TACC1: variants seen among roughly 807,000 people sequenced by gnomAD.
The protein encoded by TACC1 is transforming acidic coiled-coil containing protein 1, also known as transforming acidic coiled-coil-containing protein 1.
TACC1 carries 48 observed loss-of-function variants against 84.4 expected under a neutral mutation model. The ratio of observed to expected loss-of-function variants is 0.57; its 90% CI spans 0.45 to 0.72. The LOEUF is 0.72. Among genes scored for constraint, TACC1 ranks in the 30% least tolerant of loss-of-function variants. TACC1 has a pLI of 0.00. For synonymous variants in TACC1, 372 were observed against 376.3 expected (o/e 0.99, Z 0.13); for missense variants, 920 against 973.0 (o/e 0.95, Z 0.72).
At chr8:38,765,144 A>G (rs764137407) in intron 3 of TACC1, among the ~76,000 whole-genome samples, 24 of 149,378 alleles carry the variant, frequency 1.6e-4, no homozygotes, top group Middle Eastern at 3.5e-3. Flanking sequence ...TTTCTGTTTA[A>G]CTCTTGATGG....
At chr8:38,820,948 G>A (rs905234329) in intron 3 of TACC1, among the ~76,000 whole-genome samples, 10 of 152,070 alleles carry the variant, frequency 6.6e-5, no homozygotes, top group Non-Finnish European at 1.5e-4. Flanking sequence ...GCTCACACCT[G>A]TAATCCCAGC....
At chr8:38,741,107 C>A (rs1421868472) in intron 1 of TACC1, among the ~76,000 whole-genome samples, 1 of 151,812 alleles carries the variant, frequency 6.6e-6, no homozygotes, top group Non-Finnish European at 1.5e-5. Context: ...GCTCTGTAGA[C>A]CTTGATTGTT....
intron 6 of TACC1, among the ~76,000 whole-genome samples, chr8:38,831,823 TGAGACAG>T (rs1312288745): frequency 2.0e-5 from 3 of 149,108 alleles, no homozygotes; most frequent in South Asian, 2.2e-4. Flanking sequence ...TTTTTTTTTT[TGAGACAG>T]AGTTTCACTC....
rs1832647133 is a variant in TACC1 at position 38,848,091 on chromosome 8, C to T, written c.*68C>T. Reference sequence around the variant, plus strand: ...TCTCTTGTGACCACAATTATCTTGCCTTATCCAGGAATAATTGCCCCTTTG... The same window carrying T: ...TCTCTTGTGACCACAATTATCTTGCTTTATCCAGGAATAATTGCCCCTTTG... On this transcript the variant is annotated 3_prime_UTR_variant, in exon 13 of 13. Transcript: ENST00000317827. The T allele has an allele frequency of 2.1e-6, 3 of 1,450,800 alleles. No homozygotes were observed. The highest frequency in any genetic ancestry group is 1.4e-5 in the African/African-American group (1 of 70,342). 89.9% of individuals were successfully genotyped at this position (1,450,800 alleles called of 1,614,324 possible).
chr8:38,843,679 T>C (rs895128305), intron 11 of TACC1: 1 of 198,466 alleles, frequency 5.0e-6, no homozygotes, highest in African/African-American at 2.3e-5. Context: ...TATATGATTA[T>C]AGCATACTTC....
chr8:38,825,303 T>C lies in TACC1; in HGVS notation c.1392-5T>C. 6.2e-7 allele frequency: 1 copy of C among 1,614,164 alleles called. No homozygotes were observed. The highest frequency in any genetic ancestry group is 8.5e-7 in the Non-Finnish European group (1 of 1,180,004). Reference sequence around the variant, plus strand: ...CTGGCTTGTTTGTGTTTCTTCTCTTTCCAGGAGTGGCTGTAAGGTGAAGAA... The same window carrying C: ...CTGGCTTGTTTGTGTTTCTTCTCTTCCCAGGAGTGGCTGTAAGGTGAAGAA... On this transcript the variant is annotated splice_region_variant and splice_polypyrimidine_tract_variant and intron_variant, in intron 3 of 12. Coordinates refer to ENST00000317827, the MANE Select transcript of TACC1 (RefSeq NM_006283.3).
At chr8:38,825,461 C>A (rs954356403) in intron 4 of TACC1, 93 bp downstream of exon 4, 5 of 1,306,632 alleles carry the variant, frequency 3.8e-6, no homozygotes, top group Non-Finnish European at 5.5e-6. Context: ...AAAGGACTTT[C>A]CAATGGGTAC....
At chr8:38,740,573 A>T (rs1806864973) in intron 1 of TACC1, among the ~76,000 whole-genome samples, 1 of 152,254 alleles carries the variant, frequency 6.6e-6, no homozygotes, top group Admixed American at 6.5e-5. Context: ...AAAGTTTGTG[A>T]TGATGGGCAA....
intron 2 of TACC1, among the ~76,000 whole-genome samples, chr8:38,798,138 T>C (rs1820429351): frequency 6.6e-6 from 1 of 151,774 alleles, no homozygotes; most frequent in Non-Finnish European, 1.5e-5. Context: ...CTTTTTTTTT[T>C]TTAGAGACAG....
chr8:38,760,685 G>T (rs1478516973), intron 3 of TACC1, among the ~76,000 whole-genome samples: 1 of 151,988 alleles, frequency 6.6e-6, no homozygotes, highest in Non-Finnish European at 1.5e-5. Flanking sequence ...CACCATGCCC[G>T]GCTAGTTTTT....
At chr8:38,772,071 C>T (rs533277600) in intron 3 of TACC1, among the ~76,000 whole-genome samples, 1 of 152,152 alleles carries the variant, frequency 6.6e-6, no homozygotes, top group Non-Finnish European at 1.5e-5. Context: ...GGAAGGCAGG[C>T]AAGCAGGCAA....
chr8:38,846,914 C>A, intron 12 of TACC1, 95 bp downstream of exon 12: 2 of 1,452,004 alleles, frequency 1.4e-6, no homozygotes, highest in East Asian at 2.4e-5. Context: ...TGAAAGAGGC[C>A]TTGGCTTTCT....
chr8:38,791,384 A>T (rs1818619911), intron 2 of TACC1, among the ~76,000 whole-genome samples: 1 of 152,222 alleles, frequency 6.6e-6, no homozygotes, highest in Non-Finnish European at 1.5e-5. Context: ...CCTGCATATT[A>T]TGAAGGCTTT....
upstream of TACC1, chr8:38,787,231 G>A (rs894923441): frequency 9.9e-7 from 1 of 1,006,218 alleles, no homozygotes; most frequent in Non-Finnish European, 1.2e-6. Flanking sequence ...CCGGCCGGGA[G>A]GCGGGAGTCC....
chr8:38,755,159 C>CAAA (rs35992046), intron 3 of TACC1, among the ~76,000 whole-genome samples: 2,177 of 72,246 alleles, frequency 0.03, 132 homozygotes, highest in African/African-American at 0.11. Context: ...GACTCCATCT[C>CAAA]AAAAAAAAAA....
chr8:38,806,706 T>C (rs1587851590), intron 2 of TACC1, among the ~76,000 whole-genome samples: 1 of 152,190 alleles, frequency 6.6e-6, no homozygotes, highest in Non-Finnish European at 1.5e-5. Context: ...ACTGTGTTCA[T>C]GTATCAGTGG....
At chr8:38,737,451 C>T (rs537211747) in intron 1 of TACC1, among the ~76,000 whole-genome samples, 2 of 152,296 alleles carry the variant, frequency 1.3e-5, no homozygotes, top group South Asian at 2.1e-4. Context: ...AATCTACATC[C>T]AGCTTCCTTC....
upstream of TACC1, among the ~76,000 whole-genome samples, chr8:38,787,026 T>A: frequency 6.6e-6 from 1 of 150,962 alleles, no homozygotes; most frequent in East Asian, 1.9e-4. Flanking sequence ...TGACCGAATC[T>A]CCCCGCGCAG....
intron 2 of TACC1, among the ~76,000 whole-genome samples, chr8:38,792,534 C>T (rs1189482636): frequency 6.6e-6 from 1 of 152,042 alleles, no homozygotes; most frequent in African/African-American, 2.4e-5. Context: ...GGTGCGATCT[C>T]GGCTCACTGC....
Sources: gnomAD v4.1 joint callset for allele counts (sites outside exome capture counted in the v4.1 genomes callset) on GRCh38, gnomAD v4.1.1 for gene constraint, MANE v1.5 for transcripts, NCBI Gene and HGNC (gene_info 2026-07-23, HGNC 2026-07-21) for gene names.